Variants in PRKG1 observed in about 807,000 individuals in gnomAD.
PRKG1 encodes protein kinase cGMP-dependent 1.
PRKG1 carries 35 observed loss-of-function variants against 88.1 expected under a neutral mutation model. The ratio of observed to expected loss-of-function variants is 0.40; its 90% CI spans 0.30 to 0.53. PRKG1 has a LOEUF of 0.53. Ranked by LOEUF, PRKG1 falls within the 20% of genes least tolerant of loss-of-function variation. The pLI, the probability that PRKG1 is intolerant of heterozygous loss-of-function variation, is 0.59. For missense variants in PRKG1, 540 were observed against 839.8 expected, an observed-to-expected ratio of 0.64 and a Z score of 4.41; for synonymous variants, 303 against 292.5, an observed-to-expected ratio of 1.04 and a Z score of -0.37.
chr10:52,011,729 G>C (rs1844884287), intron 5 of PRKG1, among the ~76,000 whole-genome samples: 1 of 152,158 alleles, frequency 6.6e-6, no homozygotes, highest in Admixed American at 6.5e-5. Flanking sequence ...GTCACCTCTT[G>C]ATATGGTTTG....
intron 9 of PRKG1, among the ~76,000 whole-genome samples, chr10:52,195,685 C>A (rs1839486452): frequency 6.6e-6 from 1 of 152,064 alleles, no homozygotes; most frequent in African/African-American, 2.4e-5. Flanking sequence ...ATAAGTAATA[C>A]CTCACATTTT....
At chr10:52,271,231 T>C in intron 10 of PRKG1, 119 bp from the exon 11 acceptor site, 1 of 1,067,298 alleles carries the variant, frequency 9.4e-7, no homozygotes, top group Non-Finnish European at 1.3e-6. Context: ...TTACTGTGTT[T>C]TGACTTGGGA....
intron 4 of PRKG1, among the ~76,000 whole-genome samples, chr10:51,817,366 A>C: frequency 1.4e-5 from 1 of 73,856 alleles, no homozygotes; most frequent in Non-Finnish European, 3.5e-5. Context: ...CTCCCCTGAC[A>C]GGCCCTGGTG....
At chr10:51,630,870 C>A (rs1839508457) in intron 3 of PRKG1, among the ~76,000 whole-genome samples, 1 of 152,194 alleles carries the variant, frequency 6.6e-6, no homozygotes, top group Non-Finnish European at 1.5e-5. Flanking sequence ...CTGTGGTTAG[C>A]CACTGAATGA....
chr10:51,116,080 T>C (rs1278993368), intron 1 of PRKG1, among the ~76,000 whole-genome samples: 2 of 152,014 alleles, frequency 1.3e-5, no homozygotes, highest in Non-Finnish European at 2.9e-5. Flanking sequence ...GATTTGGAGT[T>C]TTTTCTCAAC....
intron 14 of PRKG1, 146 bp downstream of exon 14, chr10:52,282,462 G>A (rs2132449942): frequency 1.2e-6 from 1 of 858,072 alleles, no homozygotes; most frequent in Non-Finnish European, 1.6e-6. Flanking sequence ...AGATGACCAG[G>A]AATTCATAAT....
chr10:51,220,591 T>C (rs1838503229), intron 2 of PRKG1, among the ~76,000 whole-genome samples: 1 of 152,146 alleles, frequency 6.6e-6, no homozygotes, highest in Admixed American at 6.5e-5. Flanking sequence ...ACCAAGAGTA[T>C]GGAGCTATAA....
chr10:51,490,368 C>G (rs569426935), intron 3 of PRKG1, among the ~76,000 whole-genome samples: 15 of 152,070 alleles, frequency 9.9e-5, no homozygotes, highest in African/African-American at 3.6e-4. Context: ...TACTATAATG[C>G]AGCAACATAA....
At chr10:51,863,414 A>G (rs181186115) in intron 4 of PRKG1, among the ~76,000 whole-genome samples, 5 of 152,264 alleles carry the variant, frequency 3.3e-5, no homozygotes, top group Admixed American at 3.3e-4. Context: ...TATGCTTAAA[A>G]TTTATTTTAA....
chr10:51,358,272 G>C (rs1056977110), intron 2 of PRKG1, among the ~76,000 whole-genome samples: 1 of 151,858 alleles, frequency 6.6e-6, no homozygotes, highest in Admixed American at 6.6e-5. Flanking sequence ...TTCAGAGAGA[G>C]CAATCCAAGA....
At chr10:52,253,936 C>T (rs895226223) in intron 10 of PRKG1, among the ~76,000 whole-genome samples, 1 of 151,748 alleles carries the variant, frequency 6.6e-6, no homozygotes, top group African/African-American at 2.4e-5. Context: ...TGTAGACAAT[C>T]AGAATGCCTA....
At chr10:51,226,229 A>G (rs1451759149) in intron 2 of PRKG1, among the ~76,000 whole-genome samples, 10 of 152,174 alleles carry the variant, frequency 6.6e-5, no homozygotes, top group Non-Finnish European at 1.0e-4. Context: ...AAACAGAAAA[A>G]TGATTCTGCA....
Position 51,129,369 on chromosome 10 carries a change from C to T in PRKG1, c.312-23795C>T, listed in dbSNP as rs1247313453. On this transcript the variant is annotated intron_variant, in intron 1 of 17. Transcript: ENST00000373980. ...CTGAGGCATGATAATCGCTTGAACC[C>T]GAGAGGCGGGGGTTGCAGTGAGCCA... 3.9e-5 allele frequency among the ~76,000 whole-genome samples: 6 copies of T among 151,962 alleles called. No individual in the cohort carries two copies. In the East Asian group the frequency reaches 7.7e-4, roughly 20 times the overall value.
chr10:51,032,862 AT>A (rs1843302087), intron 1 of PRKG1, among the ~76,000 whole-genome samples: 1 of 152,168 alleles, frequency 6.6e-6, no homozygotes. Context: ...ATTTTTAAAA[AT>A]AAAAATTGTG....
chr10:51,551,481 G>T (rs1044533064), intron 3 of PRKG1, among the ~76,000 whole-genome samples: 1 of 151,752 alleles, frequency 6.6e-6, no homozygotes, highest in East Asian at 1.9e-4. Flanking sequence ...TTCATAAACA[G>T]ATTTTAAGAA....
intron 2 of PRKG1, among the ~76,000 whole-genome samples, chr10:51,267,123 G>C (rs1016418147): frequency 6.6e-6 from 1 of 152,080 alleles, no homozygotes; most frequent in Non-Finnish European, 1.5e-5. Flanking sequence ...TTTCACCCCT[G>C]TTTCTTAGTA....
chr10:51,545,647 A>G (rs1324162455), intron 3 of PRKG1, among the ~76,000 whole-genome samples: 1 of 152,154 alleles, frequency 6.6e-6, no homozygotes, highest in Non-Finnish European at 1.5e-5. Flanking sequence ...TCTGTATAAC[A>G]AGTTCCATCA....
intron 1 of PRKG1, among the ~76,000 whole-genome samples, chr10:51,060,679 G>T (rs972488942): frequency 6.6e-6 from 1 of 151,954 alleles, no homozygotes; most frequent in African/African-American, 2.4e-5. Flanking sequence ...CCTCATATTT[G>T]TCCTTTCTAT....
At chr10:51,468,424 G>A (rs1441137837) in intron 3 of PRKG1, among the ~76,000 whole-genome samples, 1 of 151,792 alleles carries the variant, frequency 6.6e-6, no homozygotes, top group Non-Finnish European at 1.5e-5. Context: ...AAAGCAGCTT[G>A]TTTCCCTAAT....
Sources: allele counts gnomAD v4.1 joint callset (sites outside exome capture counted in the v4.1 genomes callset), GRCh38; gene constraint gnomAD v4.1.1; transcripts MANE v1.5; gene names NCBI Gene and HGNC (gene_info 2026-07-23, HGNC 2026-07-21).